NDST4: variants seen among roughly 807,000 people sequenced by gnomAD.
NDST4 encodes the protein N-deacetylase and N-sulfotransferase 4, also known as N-heparan sulfate sulfotransferase 4.
In NDST4, 63 loss-of-function variants were observed where a neutral mutation model predicts 100.8. The ratio of observed to expected loss-of-function variants is 0.62; its 90% CI spans 0.51 to 0.77. The LOEUF (loss-of-function observed/expected upper bound fraction) is 0.77, where lower values mean the gene tolerates loss of function less well. Ranked by LOEUF, NDST4 falls within the 30% of genes least tolerant of loss-of-function variation. The pLI is 0.00. For missense variants in NDST4, 943 were observed against 1,018.4 expected, an observed-to-expected ratio of 0.93 and a Z score of 1.01; for synonymous variants, 377 against 361.8, an observed-to-expected ratio of 1.04 and a Z score of -0.48.
intron 4 of NDST4, among the ~76,000 whole-genome samples, chr4:114,941,097 C>T (rs946450231): frequency 6.6e-6 from 1 of 152,190 alleles, no homozygotes; most frequent in African/African-American, 2.4e-5. Context: ...TAGTATTTTC[C>T]TGCCTCATGT....
chr4:114,872,933 T>G (rs1560788953), intron 6 of NDST4, among the ~76,000 whole-genome samples: 1 of 151,964 alleles, frequency 6.6e-6, no homozygotes, highest in Non-Finnish European at 1.5e-5. Flanking sequence ...CTTTTGCCCT[T>G]TTCAACAACA....
chr4:114,884,893 T>TA (rs2126203255), intron 6 of NDST4, among the ~76,000 whole-genome samples: 1 of 152,280 alleles, frequency 6.6e-6, no homozygotes, highest in East Asian at 1.9e-4. Context: ...ACCAGGCAGC[T>TA]AAACTGAATT....
chr4:114,902,728 G>A (rs1161086041), intron 6 of NDST4, among the ~76,000 whole-genome samples: 1 of 151,794 alleles, frequency 6.6e-6, no homozygotes, highest in East Asian at 1.9e-4. Context: ...TATTTATTCC[G>A]TAGTTCTTGG....
chr4:114,954,435 G>A (rs1177598106), intron 4 of NDST4, among the ~76,000 whole-genome samples: 1 of 151,960 alleles, frequency 6.6e-6, no homozygotes, highest in Non-Finnish European at 1.5e-5. Context: ...TTAGCAAAAT[G>A]AATTAAACGG....
intron 6 of NDST4, among the ~76,000 whole-genome samples, chr4:114,912,683 C>T (rs1278073961): frequency 1.3e-5 from 2 of 152,064 alleles, no homozygotes; most frequent in African/African-American, 4.8e-5. Flanking sequence ...TCACAATTCT[C>T]TTATAAAATC....
intron 4 of NDST4, among the ~76,000 whole-genome samples, chr4:114,942,300 T>C (rs1210977214): frequency 6.6e-6 from 1 of 152,200 alleles, no homozygotes; most frequent in Non-Finnish European, 1.5e-5. Context: ...TCTACCTTCA[T>C]GAAGTTTGAA....
At chr4:115,091,428 G>C (rs1729516741) in intron 1 of NDST4, among the ~76,000 whole-genome samples, 1 of 151,946 alleles carries the variant, frequency 6.6e-6, no homozygotes, top group South Asian at 2.1e-4. Context: ...AGACAAATGT[G>C]TACACCATGG....
In NDST4 at chr4:115,076,159, C is replaced by T; in HGVS notation, c.878G>A (p.Gly293Glu). Residue 293 changes from glycine (G) to glutamate (E), a missense_variant, in exon 2 of 14, where the codon GGG (glycine) becomes GAG (glutamate). Gly to Glu is a moderately conservative substitution (Grantham distance 98, BLOSUM62 -2). Coordinates refer to ENST00000264363, the MANE Select transcript of NDST4 (RefSeq NM_022569.3). Reference protein sequence around the residue: ...IFIDAISFLSGKRLTLSLDRY... With the variant: ...IFIDAISFLSEKRLTLSLDRY... ...GTCCAAGGACAATGTCAGCCTCTTC[C>T]CTGACAAGAAGGAGATGGCATCTAT... 6.2e-7 allele frequency: 1 copy of T among 1,613,916 alleles called. No homozygotes were observed. The highest frequency in any genetic ancestry group is 8.5e-7 in the Non-Finnish European group (1 of 1,179,924).
chr4:114,924,762 C>T (rs1490916975), intron 6 of NDST4, among the ~76,000 whole-genome samples: 3 of 152,068 alleles, frequency 2.0e-5, no homozygotes, highest in Non-Finnish European at 2.9e-5. Flanking sequence ...GAAATAAGAC[C>T]TAGTGCTTGA....
intron 6 of NDST4, among the ~76,000 whole-genome samples, chr4:114,917,179 T>C (rs951288226): frequency 6.6e-6 from 1 of 152,200 alleles, no homozygotes; most frequent in African/African-American, 2.4e-5. Context: ...AAGTTCTACG[T>C]AAATAGTTGT....
intron 6 of NDST4, among the ~76,000 whole-genome samples, chr4:114,922,928 AG>A (rs2126219767): frequency 6.6e-6 from 1 of 152,364 alleles, no homozygotes; most frequent in South Asian, 2.1e-4. Flanking sequence ...TTGTGTAAAC[AG>A]CTGTGACATC....
At chr4:114,974,236 A>G (rs1726580688) in intron 3 of NDST4, among the ~76,000 whole-genome samples, 1 of 151,934 alleles carries the variant, frequency 6.6e-6, no homozygotes, top group African/African-American at 2.4e-5. Context: ...TTTGTTACCA[A>G]TATCAGGTCT....
Position 115,088,794 on chromosome 4 carries a change from C to A in NDST4, c.-246-11512G>T, listed in dbSNP as rs545042361. Among the ~76,000 whole-genome samples the A allele has an allele frequency of 2.2e-4, 34 of 152,140 alleles. 1 individual carries two copies. Among genetic ancestry groups the A allele is most frequent in the Non-Finnish European group, 4.3e-4 (29 of 67,958 alleles). ...ACAGTTCTGGAATGACCCAGGTTAT[C>A]TCTTTTATCTTTAAGTCTAATCAGT... is the stretch of plus-strand genomic sequence containing the variant. On this transcript the variant is annotated intron_variant, in intron 1 of 13. Transcript: ENST00000264363.
Position 115,076,066 on chromosome 4 carries a change from T to G in NDST4, c.971A>C (p.Asp324Ala). ...GTCTATAAATAAGCTTACCTTCACA[T>G]CTTTGACATTCATCCTTGTTCCCTC... ...GKEGTRMNVKDVKALLETQNL... is the reference protein window; with the variant it reads ...GKEGTRMNVKAVKALLETQNL... The change falls in exon 2 of 14, where the codon GAT becomes GCT. Residue 324 changes from aspartate to alanine, a missense_variant. Physicochemically the swap from Asp to Ala is moderately radical, Grantham distance 126. Around this residue, in one of 2 missense-constraint regions of NDST4, gnomAD observed 417 missense variants for 384.2 expected, o/e 1.09. Transcript: ENST00000264363. 1 of 1,606,022 alleles carries G rather than the reference T, an allele frequency of 6.2e-7. No individual in the cohort carries two copies. The highest frequency in any genetic ancestry group is 8.5e-7 in the Non-Finnish European group (1 of 1,175,738).
At chr4:114,888,640 A>T (rs17622677) in intron 6 of NDST4, among the ~76,000 whole-genome samples, 11,328 of 152,236 alleles carry the variant, frequency 0.074, 495 homozygotes, top group East Asian at 0.13. Flanking sequence ...TCTTAACCAT[A>T]GTTCTAAGTA....
In NDST4 at chr4:114,940,806, C is replaced by T. The variant is rs147410550; in HGVS notation, c.1222-3303G>A. Among the ~76,000 whole-genome samples, 554 of 152,250 alleles carry T rather than the reference C, an allele frequency of 3.6e-3. 4 individuals are homozygous for T. The highest frequency in any genetic ancestry group is 0.012 in the African/African-American group (506 of 41,548). On this transcript the variant is annotated intron_variant, in intron 4 of 13. Coordinates refer to ENST00000264363, the MANE Select transcript of NDST4 (RefSeq NM_022569.3). ...CATGGTCGAACACTTCTCCAAAGTC[C>T]TGCTGTCAAGCTGGCCCTCTGAAGT...
intron 3 of NDST4, among the ~76,000 whole-genome samples, chr4:114,972,171 G>A (rs1726529680): frequency 6.6e-6 from 1 of 151,930 alleles, no homozygotes; most frequent in African/African-American, 2.4e-5. Context: ...ACTGTAACAC[G>A]CCACTTACCC....
chr4:114,944,170 T>G (rs1725811587), intron 4 of NDST4, among the ~76,000 whole-genome samples: 1 of 152,206 alleles, frequency 6.6e-6, no homozygotes, highest in African/African-American at 2.4e-5. Flanking sequence ...GTGTGTGAAC[T>G]GTTTCAAGGG....
At chr4:115,061,909 G>C (rs749238321) in intron 2 of NDST4, among the ~76,000 whole-genome samples, 3 of 152,008 alleles carry the variant, frequency 2.0e-5, no homozygotes, top group Admixed American at 6.6e-5. Context: ...GCTTATATGA[G>C]AGGAAAAAAG....
Sources: allele counts gnomAD v4.1 joint callset (sites outside exome capture counted in the v4.1 genomes callset), GRCh38; gene constraint gnomAD v4.1.1; regional missense constraint gnomAD v4.1.1; transcripts MANE v1.5; gene names NCBI Gene and HGNC (gene_info 2026-07-23, HGNC 2026-07-21).